Variants in LRRC55 observed in about 807,000 individuals in gnomAD.
LRRC55 encodes leucine-rich repeat-containing protein 55.
A neutral mutation model predicts 20.5 loss-of-function variants in LRRC55; 11 were observed. The observed-to-expected ratio is 0.54, with a 90% confidence interval of 0.34 to 0.89. The LOEUF is 0.89. LRRC55 is among the 40% of genes least tolerant of loss of function. The probability of loss-of-function intolerance (pLI) is 0.02; values close to 1 mark genes in which losing one functional copy is unlikely to be tolerated. For synonymous variants in LRRC55, 188 were observed against 166.6 expected (o/e 1.13, Z -0.99); for missense variants, 358 against 390.9 (o/e 0.92, Z 0.71).
intron 1 of LRRC55, among the ~76,000 whole-genome samples, chr11:57,186,700 T>C (rs930134151): frequency 6.6e-6 from 1 of 152,062 alleles, no homozygotes; most frequent in Non-Finnish European, 1.5e-5. Flanking sequence ...TGTGTGTGGC[T>C]AGAGCAGGGT....
intron 1 of LRRC55, 72 bp from the exon 2 acceptor site, chr11:57,187,173 C>T (rs951593198): frequency 3.0e-6 from 4 of 1,315,550 alleles, no homozygotes; most frequent in African/African-American, 2.9e-5. Flanking sequence ...TTCCAGCAAG[C>T]GGTTGTGGGT....
At position 57,187,238 on chromosome 11, in the gene LRRC55, G is replaced by A. The variant is rs1854442999; in HGVS notation, c.662-7G>A. On this transcript the variant is annotated splice_region_variant and splice_polypyrimidine_tract_variant and intron_variant, in intron 1 of 1. Coordinates refer to ENST00000497933, the MANE Select transcript of LRRC55 (RefSeq NM_001005210.4). ...GTACCTCACCCTCCCTGGCTTCTGT[G>A]TTACAGATTCTCAGCTGGCTGAGTG... is the stretch of plus-strand genomic sequence containing the variant. The A allele has an allele frequency of 1.2e-6, 2 of 1,612,204 alleles. No individual in the cohort carries two copies. The highest frequency in any genetic ancestry group is 2.7e-5 in the African/African-American group (2 of 74,888).
Position 57,182,502 on chromosome 11 carries a change from C to A in LRRC55, c.480C>A (p.Gly160=), listed in dbSNP as rs1854373948. The change falls in exon 1 of 2, where the codon GGC becomes GGA. Residue 160 remains glycine, a synonymous_variant. Coordinates refer to ENST00000497933, the MANE Select transcript of LRRC55 (RefSeq NM_001005210.4). ...LRRVHPQAFQ[G]LMQLRDLDLS... ...GGGTGCATCCCCAGGCCTTTCAGGGCCTCATGCAGCTCCGAGACCTGGACC... is the reference window on the plus strand; with the variant it reads ...GGGTGCATCCCCAGGCCTTTCAGGGACTCATGCAGCTCCGAGACCTGGACC... The A allele has an allele frequency of 4.4e-6, 7 of 1,602,148 alleles. No homozygotes were observed. Among genetic ancestry groups the A allele is most frequent in the Non-Finnish European group, 6.0e-6 (7 of 1,172,322 alleles).
Position 57,187,615 on chromosome 11 carries a change from A to G in LRRC55, c.*135A>G. The G allele has an allele frequency of 6.1e-6, 5 of 824,692 alleles. No homozygotes were observed. The highest frequency in any genetic ancestry group is 9.8e-6 in the Non-Finnish European group (5 of 510,580). The allele number at this position is 824,692 out of a possible 1,614,324, so 51.1% of individuals were successfully genotyped here. On this transcript the variant is annotated 3_prime_UTR_variant, in exon 2 of 2. Transcript: ENST00000497933. ...TGGTTCAAGCAAGGTGGGGACACTCATTTTGTATGAGCATCTGCTTTGGGC... is the reference window on the plus strand; with the variant it reads ...TGGTTCAAGCAAGGTGGGGACACTCGTTTTGTATGAGCATCTGCTTTGGGC...
At chr11:57,183,541 C>T (rs995329066) in intron 1 of LRRC55, among the ~76,000 whole-genome samples, 1 of 152,150 alleles carries the variant, frequency 6.6e-6, no homozygotes, top group African/African-American at 2.4e-5. Context: ...GGCAATCTCC[C>T]TGACTATATC....
rs911663356 is a variant in LRRC55, at chr11:57,191,030, T to C, written c.*3550T>C. The C allele has an allele frequency of 1.3e-5, 2 of 152,220 alleles. No homozygotes were observed. The highest frequency in any genetic ancestry group is 1.3e-4 in the Admixed American group (2 of 15,280). 9.4% of individuals were successfully genotyped at this position (152,220 alleles called of 1,614,324 possible). ...TGCTAGGCCAGAGGATATCAAAGTT[T>C]AGTTTGGTCAAGATTTGGGCCAAGA... On this transcript the variant is annotated 3_prime_UTR_variant, in exon 2 of 2. Coordinates refer to ENST00000497933, the MANE Select transcript of LRRC55 (RefSeq NM_001005210.4).
At chr11:57,185,165 A>G (rs1854414231) in intron 1 of LRRC55, among the ~76,000 whole-genome samples, 1 of 152,130 alleles carries the variant, frequency 6.6e-6, no homozygotes, top group Admixed American at 6.5e-5. Flanking sequence ...CTGCAGAATG[A>G]ATACATAGCA....
intron 1 of LRRC55, among the ~76,000 whole-genome samples, chr11:57,185,270 C>CTTTTTTTTTTTTTTTTTTT (rs58800728): frequency 6.7e-5 from 6 of 89,436 alleles, no homozygotes; most frequent in African/African-American, 1.0e-4. Context: ...CTTTTCTTTT[C>CTTTTTTTTTTTTTTTTTTT]TTTTTTTTTT....
intron 1 of LRRC55, among the ~76,000 whole-genome samples, chr11:57,182,933 G>A (rs951161170): frequency 7.2e-5 from 11 of 152,170 alleles, no homozygotes; most frequent in African/African-American, 2.7e-4. Context: ...ATGACCTAAT[G>A]AGGCAGACGG....
At chr11:57,183,148 A>T (rs1010685918) in intron 1 of LRRC55, among the ~76,000 whole-genome samples, 1 of 152,222 alleles carries the variant, frequency 6.6e-6, no homozygotes, top group African/African-American at 2.4e-5. Flanking sequence ...AAAAATACAA[A>T]TTAAAAAATT....
intron 1 of LRRC55, among the ~76,000 whole-genome samples, chr11:57,185,668 G>C (rs972810168): frequency 6.6e-6 from 1 of 151,996 alleles, no homozygotes; most frequent in Non-Finnish European, 1.5e-5. Flanking sequence ...ACTTACCCAA[G>C]GTAAGAGCTT....
At chr11:57,185,338 TG>T (rs1854418457) in intron 1 of LRRC55, among the ~76,000 whole-genome samples, 1 of 132,992 alleles carries the variant, frequency 7.5e-6, no homozygotes, top group South Asian at 2.6e-4. Flanking sequence ...TGAAGTGCAG[TG>T]GTGCAATCTC....
rs112411315 is a variant in LRRC55, at chr11:57,182,225, G to A, written c.203G>A (p.Arg68Gln). 5.0e-5 allele frequency: 80 copies of A among 1,614,050 alleles called. No homozygotes were observed. The highest frequency in any genetic ancestry group is 1.9e-4 in the African/African-American group (14 of 74,924). ...CCCCCAGACCTGCCAATGGACACCC[G>A]AAACCTCAGCCTGGCCCACAACCGC... is the stretch of plus-strand genomic sequence containing the variant. ...SVPPDLPMDT[R>Q]NLSLAHNRIT... is the part of the protein sequence containing the mutation. The change falls in exon 1 of 2, where the codon CGA (arginine) becomes CAA (glutamine). Residue 68 changes from arginine to glutamine, a missense_variant. Transcript: ENST00000497933.
rs201169874 is a variant in LRRC55 at position 57,182,672 on chromosome 11, G to A, written c.650G>A (p.Arg217His). The A allele has an allele frequency of 2.4e-5, 37 of 1,510,846 alleles. No individual in the cohort carries two copies. Among genetic ancestry groups the A allele is most frequent in the East Asian group, 4.6e-5 (2 of 43,890 alleles). The allele number at this position is 1,510,846 out of a possible 1,614,324, so 93.6% of individuals were successfully genotyped here. ...LLKWLRNRIQ[R>H]CTADSQLAEC... ...AAGTGGCTGCGAAACCGGATCCAGC[G>A]CTGTACAGCAGGTAATAGAGGGGCA... The change falls in exon 1 of 2, where the codon CGC becomes CAC. Residue 217 changes from arginine to histidine, a missense_variant. Arg to His is a conservative substitution (Grantham distance 29, BLOSUM62 0). This residue lies in a region of LRRC55 where 178 missense variants were observed against 207.9 expected (regional missense o/e 0.86). Transcript: ENST00000497933.
At position 57,187,731 on chromosome 11, in the gene LRRC55, A is replaced by G. The variant is rs1194494793; in HGVS notation, c.*251A>G. The G allele has an allele frequency of 1.7e-6, 1 of 580,736 alleles. No individual in the cohort carries two copies. The highest frequency in any genetic ancestry group is 3.0e-6 in the Non-Finnish European group (1 of 328,262). The allele number at this position is 580,736 out of a possible 1,614,324, so 36.0% of individuals were successfully genotyped here. A position where few individuals can be genotyped will look rare whatever the true frequency, so the allele number is the denominator to read the frequency against. On this transcript the variant is annotated 3_prime_UTR_variant, in exon 2 of 2. Coordinates refer to ENST00000497933, the MANE Select transcript of LRRC55 (RefSeq NM_001005210.4). ...CCCTCTGGTCAAGGAGAGAGATCCAAAAACTATTCCCTTTAAGACTATATG... is the reference window on the plus strand; with the variant it reads ...CCCTCTGGTCAAGGAGAGAGATCCAGAAACTATTCCCTTTAAGACTATATG...
intron 1 of LRRC55, among the ~76,000 whole-genome samples, chr11:57,185,663 C>T (rs1302704977): frequency 1.3e-5 from 2 of 152,026 alleles, no homozygotes; most frequent in African/African-American, 2.4e-5. Context: ...AAAAGACTTA[C>T]CCAAGGTAAG....
rs977712392 is a variant in LRRC55, at chr11:57,191,024, A to G, written c.*3544A>G. ...CCTCCATGCTAGGCCAGAGGATATCAAAGTTTAGTTTGGTCAAGATTTGGG... is the reference window on the plus strand; with the variant it reads ...CCTCCATGCTAGGCCAGAGGATATCGAAGTTTAGTTTGGTCAAGATTTGGG... On this transcript the variant is annotated 3_prime_UTR_variant, in exon 2 of 2. Transcript: ENST00000497933. The G allele has an allele frequency of 6.6e-6, 1 of 152,188 alleles. No homozygotes were observed. The highest frequency in any genetic ancestry group is 1.5e-5 in the Non-Finnish European group (1 of 68,032). 9.4% of individuals were successfully genotyped at this position (152,188 alleles called of 1,614,324 possible). A position where few individuals can be genotyped will look rare whatever the true frequency, so the allele number is the denominator to read the frequency against.
In LRRC55 at chr11:57,181,973, A is replaced by G. The variant is rs1185129656; in HGVS notation, c.-50A>G. 10 of 1,606,636 alleles carry G rather than the reference A, an allele frequency of 6.2e-6. No homozygotes were observed. The highest frequency in any genetic ancestry group is 4.0e-5 in the African/African-American group (3 of 74,842). ...GTGTCACAGACTCTCGATTCCATGGACACAGTCCTCATGGGCTCCCTCCAG... is the reference window on the plus strand; with the variant it reads ...GTGTCACAGACTCTCGATTCCATGGGCACAGTCCTCATGGGCTCCCTCCAG... On this transcript the variant is annotated 5_prime_UTR_variant, in exon 1 of 2. Transcript: ENST00000497933.
At chr11:57,185,925 T>G (rs1292585229) in intron 1 of LRRC55, among the ~76,000 whole-genome samples, 1 of 151,924 alleles carries the variant, frequency 6.6e-6, no homozygotes, top group African/African-American at 2.4e-5. Context: ...GAGTGCAGAA[T>G]ATGACCCCCA....
Sources: allele counts gnomAD v4.1 joint callset (sites outside exome capture counted in the v4.1 genomes callset), GRCh38; gene constraint gnomAD v4.1.1; regional missense constraint gnomAD v4.1.1; transcripts MANE v1.5; gene names NCBI Gene and HGNC (gene_info 2026-07-23, HGNC 2026-07-21).